Variants in KAZN observed in about 807,000 individuals in gnomAD.
KAZN encodes kazrin.
A neutral mutation model predicts 87.4 loss-of-function variants in KAZN; 40 were observed. That is an observed-to-expected ratio of 0.46 (90% CI 0.36 to 0.60). The LOEUF (loss-of-function observed/expected upper bound fraction) is 0.60, where lower values mean the gene tolerates loss of function less well. Among genes scored for constraint, KAZN ranks in the 20% least tolerant of loss-of-function variants. KAZN has a pLI of 0.00. For synonymous variants in KAZN, 466 were observed against 458.3 expected (o/e 1.02, Z -0.22); for missense variants, 898 against 1,073.9 (o/e 0.84, Z 2.29).
chr1:14,075,822 C>T (rs1025473555), intron 1 of KAZN, among the ~76,000 whole-genome samples: 11 of 152,206 alleles, frequency 7.2e-5, no homozygotes, highest in South Asian at 2.1e-4. Flanking sequence ...CTCTGCCCAC[C>T]GGACGTCAGT....
intron 2 of KAZN, among the ~76,000 whole-genome samples, chr1:14,487,857 T>C (rs1669429925): frequency 1.3e-5 from 2 of 152,062 alleles, no homozygotes; most frequent in African/African-American, 2.4e-5. Flanking sequence ...TCTGGGTAGA[T>C]AGTGCTGCCT....
At chr1:14,444,740 G>A (rs1345485146) in intron 2 of KAZN, among the ~76,000 whole-genome samples, 4 of 152,060 alleles carry the variant, frequency 2.6e-5, no homozygotes, top group African/African-American at 7.2e-5. Context: ...TCAGGACCTC[G>A]AAATTTAAAT....
At chr1:14,830,818 C>T (rs1177891739) in intron 1 of KAZN, among the ~76,000 whole-genome samples, 1 of 152,186 alleles carries the variant, frequency 6.6e-6, no homozygotes, top group East Asian at 1.9e-4. Flanking sequence ...CTGGGGATTA[C>T]AGTTCAACAT....
chr1:14,247,824 C>CT (rs150261753), intron 2 of KAZN, among the ~76,000 whole-genome samples: 62 of 146,964 alleles, frequency 4.2e-4, no homozygotes, highest in African/African-American at 9.9e-4. Flanking sequence ...TTCCTTTTTG[C>CT]TTTTTTTTTT....
At chr1:15,110,507 T>G (rs894553887) in intron 13 of KAZN, among the ~76,000 whole-genome samples, 46 of 138,710 alleles carry the variant, frequency 3.3e-4, no homozygotes, top group African/African-American at 1.2e-3. Flanking sequence ...GTGTGTGTAT[T>G]TGTGTGTTTG....
Position 13,987,717 on chromosome 1 carries a change from C to A in KAZN, c.91+93961C>A, listed in dbSNP as rs141555304. Among the ~76,000 whole-genome samples, 443 of 152,106 alleles carry A rather than the reference C, an allele frequency of 2.9e-3. 5 individuals carry two copies. Among genetic ancestry groups the A allele is most frequent in the African/African-American group, 0.01 (416 of 41,490 alleles). Reference sequence around the variant, plus strand: ...GAGGAACTCATCCTTTAATAATGAACCCACTACTGTGATAACAGCTCTTAA... The same window carrying A: ...GAGGAACTCATCCTTTAATAATGAAACCACTACTGTGATAACAGCTCTTAA... On this transcript the variant is annotated intron_variant, in intron 1 of 16. Transcript: ENST00000636203.
chr1:14,236,179 C>A (rs911857668), intron 2 of KAZN, among the ~76,000 whole-genome samples: 1 of 152,104 alleles, frequency 6.6e-6, no homozygotes, highest in Non-Finnish European at 1.5e-5. Context: ...CCTCTCCCAC[C>A]CTGGGCCAGT....
intron 2 of KAZN, among the ~76,000 whole-genome samples, chr1:14,431,483 A>G (rs1318366863): frequency 6.6e-6 from 1 of 152,186 alleles, no homozygotes; most frequent in Non-Finnish European, 1.5e-5. Context: ...CACTTGCTTG[A>G]ATTGAAGAAT....
At chr1:14,335,876 G>T (rs1286193322) in intron 2 of KAZN, among the ~76,000 whole-genome samples, 1 of 152,140 alleles carries the variant, frequency 6.6e-6, no homozygotes, top group African/African-American at 2.4e-5. Flanking sequence ...TTGGTTGATG[G>T]CACAATGGAA....
intron 2 of KAZN, among the ~76,000 whole-genome samples, chr1:14,419,370 T>G (rs549306399): frequency 6.6e-6 from 1 of 152,314 alleles, no homozygotes; most frequent in South Asian, 2.1e-4. Context: ...CATCCCCATC[T>G]ATCTCATTGC....
intron 2 of KAZN, among the ~76,000 whole-genome samples, chr1:14,405,314 C>T (rs1663747151): frequency 6.6e-6 from 1 of 152,024 alleles, no homozygotes; most frequent in African/African-American, 2.4e-5. Flanking sequence ...GTATGCCCAG[C>T]GGGGAAGGAA....
intron 2 of KAZN, among the ~76,000 whole-genome samples, chr1:14,226,264 C>T (rs1289021256): frequency 6.6e-6 from 1 of 152,042 alleles, no homozygotes; most frequent in African/African-American, 2.4e-5. Context: ...ACAGACACTT[C>T]TCAAAAGAAG....
At position 15,039,137 on chromosome 1, in the gene KAZN, T is replaced by C. The variant is rs550563127; in HGVS notation, c.555+4252T>C. ...ATGTGATATTACCAGTAGCAGATGT[T>C]TATTGTGCACCTACCGTGCACAGGC... On this transcript the variant is annotated intron_variant, in intron 3 of 14. Transcript: ENST00000376030. Among the ~76,000 whole-genome samples, 13 of 152,312 alleles carry C rather than the reference T, an allele frequency of 8.5e-5. No individual in the cohort carries two copies. In the South Asian group the frequency reaches 2.7e-3, roughly 32 times the overall value.
At chr1:14,901,801 G>C (rs546246704) in intron 1 of KAZN, among the ~76,000 whole-genome samples, 1 of 152,298 alleles carries the variant, frequency 6.6e-6, no homozygotes, top group South Asian at 2.1e-4. Context: ...CCCCACAGCT[G>C]CCTCTCTCTG....
intron 2 of KAZN, among the ~76,000 whole-genome samples, chr1:14,386,419 T>C (rs904896314): frequency 5.3e-5 from 8 of 152,190 alleles, no homozygotes; most frequent in African/African-American, 1.9e-4. Flanking sequence ...CAATGGTCTT[T>C]ACATTTTGGC....
At chr1:14,660,156 C>G (rs886655347) in intron 1 of KAZN, among the ~76,000 whole-genome samples, 5 of 152,110 alleles carry the variant, frequency 3.3e-5, no homozygotes, top group Admixed American at 2.0e-4. Context: ...GATGCCCAAG[C>G]GGGAGCTCTA....
intron 2 of KAZN, among the ~76,000 whole-genome samples, chr1:14,972,585 A>C (rs1665176845): frequency 4.0e-5 from 6 of 150,500 alleles, no homozygotes; most frequent in Admixed American, 4.0e-4. Context: ...GCACAATCTC[A>C]GCTCACTGCA....
chr1:14,568,853 A>T (rs1674692079), intron 2 of KAZN, among the ~76,000 whole-genome samples: 1 of 152,210 alleles, frequency 6.6e-6, no homozygotes, highest in African/African-American at 2.4e-5. Context: ...GACGGATCCG[A>T]TGTGTCTCCC....
chr1:14,093,154 C>G (rs1318063765), intron 1 of KAZN, among the ~76,000 whole-genome samples: 1 of 152,226 alleles, frequency 6.6e-6, no homozygotes, highest in Admixed American at 6.5e-5. Flanking sequence ...CGCCACATGT[C>G]TCTGTGCCCC....
Sources: gnomAD v4.1 joint callset for allele counts (sites outside exome capture counted in the v4.1 genomes callset) on GRCh38, gnomAD v4.1.1 for gene constraint, MANE v1.5 for transcripts, NCBI Gene and HGNC (gene_info 2026-07-23, HGNC 2026-07-21) for gene names.